SAMD5: variants seen among roughly 807,000 people sequenced by gnomAD.
SAMD5 encodes sterile alpha motif domain containing 5, also known as sterile alpha motif domain-containing protein 5.
A neutral mutation model predicts 11.3 loss-of-function variants in SAMD5; 13 were observed. The observed-to-expected ratio is 1.15, with a 90% CI of 0.75 to 1.83. The LOEUF (loss-of-function observed/expected upper bound fraction) is 1.83, where lower values mean the gene tolerates loss of function less well. Ranked by LOEUF, SAMD5 falls within the 40% of genes most tolerant of loss-of-function variation. SAMD5 has a pLI of 0.00. For synonymous variants in SAMD5, 129 were observed against 111.3 expected (o/e 1.16, Z -1.00); for missense variants, 255 against 239.1 (o/e 1.07, Z -0.44).
intron 1 of SAMD5, among the ~76,000 whole-genome samples, chr6:147,591,736 A>G (rs967755566): frequency 6.6e-6 from 1 of 152,116 alleles, no homozygotes; most frequent in Non-Finnish European, 1.5e-5. Context: ...AAAGCTAAGG[A>G]TATAAAGATG....
At chr6:147,755,534 A>G in the SAMD5 span, among the ~76,000 whole-genome samples, 1 of 152,244 alleles carries the variant, frequency 6.6e-6, no homozygotes, top group South Asian at 2.1e-4. Flanking sequence ...CTGTACAGAT[A>G]TGAAAGTCAA....
the SAMD5 span, among the ~76,000 whole-genome samples, chr6:147,910,223 G>T: frequency 6.6e-6 from 1 of 152,022 alleles, no homozygotes; most frequent in Non-Finnish European, 1.5e-5. Context: ...CAAAGCGAAT[G>T]GTACCCTGGG....
At chr6:147,716,478 G>A (rs1431430578) in intron 1 of SAMD5, among the ~76,000 whole-genome samples, 1 of 152,236 alleles carries the variant, frequency 6.6e-6, no homozygotes, top group African/African-American at 2.4e-5. Context: ...CTGTGCCTGG[G>A]AAGGCGGGAC....
chr6:147,582,136 A>AT (rs1261129462), intron 1 of SAMD5, among the ~76,000 whole-genome samples: 1 of 89,176 alleles, frequency 1.1e-5, no homozygotes, highest in Admixed American at 1.4e-4. Context: ...AGGTGGGTGG[A>AT]TCATCTGAGG....
chr6:147,753,410 A>G, the SAMD5 span, among the ~76,000 whole-genome samples: 1 of 152,224 alleles, frequency 6.6e-6, no homozygotes, highest in Non-Finnish European at 1.5e-5. Context: ...TCTCATTAGT[A>G]CAACATTAAC....
At position 147,533,165 on chromosome 6, in the gene SAMD5, C is replaced by T. The variant is rs139028931; in HGVS notation, c.459+23778C>T. On this transcript the variant is annotated intron_variant, in intron 1 of 1. Coordinates refer to ENST00000367474, the MANE Select transcript of SAMD5 (RefSeq NM_001030060.3). ...GGGCCCAGACCAATCCACCAAGCCC[C>T]GGGGCAGGTCCAGGGCTTGCAGGGC... 4.5e-4 allele frequency among the ~76,000 whole-genome samples: 69 copies of T among 152,152 alleles called. 2 individuals carry two copies. In the East Asian group the frequency reaches 0.013, roughly 28 times the overall value.
chr6:147,871,486 C>T, the SAMD5 span, among the ~76,000 whole-genome samples: 8 of 152,210 alleles, frequency 5.3e-5, no homozygotes, highest in South Asian at 6.2e-4. Flanking sequence ...TAAAATGTAA[C>T]CTCTTTTTAA....
Position 147,509,258 on chromosome 6 carries a change from T to C in SAMD5, c.330T>C (p.Ser110=). Residue 110 remains serine, a synonymous_variant, in exon 1 of 2, where the codon TCT becomes TCC. Coordinates refer to ENST00000367474, the MANE Select transcript of SAMD5 (RefSeq NM_001030060.3). The part of the protein sequence containing the change: ...GGPAQGTRGD[S]RGHTTAPRSR... ...CGGCCCAGGGCACCCGCGGGGACTC[T>C]CGCGGCCACACGACCGCCCCCCGCA... is the stretch of plus-strand genomic sequence containing the variant. 1.3e-6 allele frequency: 2 copies of C among 1,535,460 alleles called. No homozygotes were observed. The highest frequency in any genetic ancestry group is 1.4e-5 in the African/African-American group (1 of 70,414).
chr6:147,630,504 C>T (rs1288514490), intron 1 of SAMD5, among the ~76,000 whole-genome samples: 2 of 152,234 alleles, frequency 1.3e-5, no homozygotes, highest in South Asian at 2.1e-4. Context: ...AATTCCTTCT[C>T]CTGGCTCATC....
chr6:147,729,777 C>G (rs1393739965), intron 1 of SAMD5: 1 of 456,958 alleles, frequency 2.2e-6, no homozygotes, highest in South Asian at 1.5e-5. Flanking sequence ...GGTGATGTGC[C>G]TGATGTGTTC....
At chr6:147,590,447 C>G (rs573010666) in intron 1 of SAMD5, among the ~76,000 whole-genome samples, 1 of 152,162 alleles carries the variant, frequency 6.6e-6, no homozygotes, top group East Asian at 1.9e-4. Flanking sequence ...GAGTCTTGCT[C>G]TATTGCCCAG....
At chr6:147,909,589 T>C in the SAMD5 span, among the ~76,000 whole-genome samples, 55 of 68,270 alleles carry the variant, frequency 8.1e-4, no homozygotes, top group African/African-American at 4.6e-3. Flanking sequence ...TCTTTCTTTC[T>C]TTCTTTCTTT....
chr6:147,714,307 T>C (rs888931563), intron 1 of SAMD5, among the ~76,000 whole-genome samples: 4 of 152,238 alleles, frequency 2.6e-5, no homozygotes, highest in Admixed American at 2.6e-4. Context: ...TCATGAGCTG[T>C]ATCTCTTAAG....
At chr6:147,644,795 T>G (rs890123071) in intron 1 of SAMD5, among the ~76,000 whole-genome samples, 1 of 152,232 alleles carries the variant, frequency 6.6e-6, no homozygotes, top group Non-Finnish European at 1.5e-5. Flanking sequence ...ATATGTGTAT[T>G]ACACATTTTA....
chr6:147,752,391 C>T, the SAMD5 span, among the ~76,000 whole-genome samples: 3 of 152,176 alleles, frequency 2.0e-5, no homozygotes, highest in African/African-American at 7.2e-5. Flanking sequence ...AATTTTTATT[C>T]ATGTTTTATA....
At chr6:147,928,085 G>A in the SAMD5 span, among the ~76,000 whole-genome samples, 3 of 152,068 alleles carry the variant, frequency 2.0e-5, no homozygotes, top group Non-Finnish European at 4.4e-5. Context: ...TTGTTGGGGA[G>A]TTTTGCATCA....
At chr6:147,614,794 C>T (rs903338376) in intron 1 of SAMD5, among the ~76,000 whole-genome samples, 1 of 151,924 alleles carries the variant, frequency 6.6e-6, no homozygotes, top group African/African-American at 2.4e-5. Context: ...CATCAAGCTG[C>T]ATACTTACTT....
chr6:147,935,082 A>G, the SAMD5 span, among the ~76,000 whole-genome samples: 1 of 152,180 alleles, frequency 6.6e-6, no homozygotes, highest in East Asian at 1.9e-4. Flanking sequence ...GTGCAATGTG[A>G]TTTAGCAAAC....
At chr6:147,857,085 C>A in the SAMD5 span, among the ~76,000 whole-genome samples, 3 of 151,876 alleles carry the variant, frequency 2.0e-5, no homozygotes, top group African/African-American at 7.3e-5. Flanking sequence ...GAGCAGACAA[C>A]TACTACCAGA....
Sources: gnomAD v4.1 joint callset for allele counts (sites outside exome capture counted in the v4.1 genomes callset) on GRCh38, gnomAD v4.1.1 for gene constraint, MANE v1.5 for transcripts, NCBI Gene and HGNC (gene_info 2026-07-23, HGNC 2026-07-21) for gene names.